The following RBM6 variants were observed in gnomAD, a reference collection of about 807,000 sequenced individuals.
RBM6 encodes the protein RNA-binding protein 6.
A neutral mutation model predicts 140.4 loss-of-function variants in RBM6; 23 were observed. That is an observed-to-expected ratio of 0.16 (90% CI 0.12 to 0.23). The LOEUF (loss-of-function observed/expected upper bound fraction) is 0.23. Among genes scored for constraint, RBM6 ranks in the 10% least tolerant of loss-of-function variants. The pLI, the probability that RBM6 is intolerant of heterozygous loss-of-function variation, is 1.00. For missense variants in RBM6, 1,139 were observed against 1,386.7 expected (o/e 0.82, Z 2.84); for synonymous variants, 439 against 475.6 (o/e 0.92, Z 1.00).
At chr3:50,040,445 CAAAAAAAAAA>C (rs1163542465) in intron 6 of RBM6, among the ~76,000 whole-genome samples, 1,055 of 67,576 alleles carry the variant, frequency 0.016, 42 homozygotes, top group African/African-American at 0.073. Context: ...GGCTCCTTCT[CAAAAAAAAAA>C]AAAAAAAAAA....
chr3:50,043,430 C>T, intron 6 of RBM6, among the ~76,000 whole-genome samples: 1 of 148,732 alleles, frequency 6.7e-6, no homozygotes, highest in Non-Finnish European at 1.5e-5. Context: ...TTGCAGTGTG[C>T]CAAGATCATG....
intron 1 of RBM6, among the ~76,000 whole-genome samples, chr3:49,946,924 C>A (rs941013591): frequency 6.0e-5 from 9 of 150,966 alleles, no homozygotes; most frequent in African/African-American, 1.9e-4. Context: ...TTTGCATTTC[C>A]CTGATGATAA....
At position 49,947,275 on chromosome 3, in the gene RBM6, G is replaced by T. The variant is rs1032980700; in HGVS notation, c.-67+7050G>T. On this transcript the variant is annotated intron_variant, in intron 1 of 20. Coordinates refer to ENST00000266022, the MANE Select transcript of RBM6 (RefSeq NM_005777.3). ...TCAAAAAAAAAAAGGGGGGGGGGGG[G>T]GGTTTTGAGCTGGGTGTGCAGGTGC... Among the ~76,000 whole-genome samples the T allele has an allele frequency of 8.6e-4, 42 of 48,750 alleles. 1 individual carries two copies. The highest frequency in any genetic ancestry group is 2.1e-3 in the African/African-American group (29 of 13,682). 32.0% of individuals were successfully genotyped at this position (48,750 alleles called of 152,430 possible). A position where few individuals can be genotyped will look rare whatever the true frequency, so the allele number is the denominator to read the frequency against.
chr3:50,039,905 C>T (rs1015666408), intron 6 of RBM6, among the ~76,000 whole-genome samples: 2 of 152,240 alleles, frequency 1.3e-5, no homozygotes, highest in Admixed American at 1.3e-4. Context: ...GTTTTTGCCG[C>T]AAATACAAAT....
At chr3:50,076,383 C>T (rs1169238157) in intron 20 of RBM6, among the ~76,000 whole-genome samples, 1 of 151,062 alleles carries the variant, frequency 6.6e-6, no homozygotes, top group African/African-American at 2.4e-5. Flanking sequence ...GAGTTCGAGA[C>T]CAGCCTGACC....
intron 6 of RBM6, among the ~76,000 whole-genome samples, chr3:50,008,393 C>G (rs552145618): frequency 6.6e-6 from 1 of 152,154 alleles, no homozygotes; most frequent in African/African-American, 2.4e-5. Flanking sequence ...GTTGTCACAT[C>G]TCATTAGTTC....
At chr3:49,959,964 CAA>C (rs2084210121) in intron 1 of RBM6, among the ~76,000 whole-genome samples, 1 of 152,124 alleles carries the variant, frequency 6.6e-6, no homozygotes, top group Non-Finnish European at 1.5e-5. Flanking sequence ...CCTAATTTGC[CAA>C]AGAGTTTCAC....
At chr3:50,065,171 A>G (rs751220757) in intron 16 of RBM6, 45 bp downstream of exon 16, 2 of 1,492,004 alleles carry the variant, frequency 1.3e-6, no homozygotes, top group South Asian at 1.2e-5. Context: ...GGGGCTGGGG[A>G]TGGTTCCGAG....
Position 50,059,708 on chromosome 3 carries a change from G to A in RBM6, c.2190G>A (p.Gly730=), listed in dbSNP as rs770862346. 1 of 1,613,856 alleles carries A rather than the reference G, an allele frequency of 6.2e-7. No individual in the cohort carries two copies. The highest frequency in any genetic ancestry group is 8.5e-7 in the Non-Finnish European group (1 of 1,179,900). Residue 730 remains glycine (G), a synonymous_variant, in exon 11 of 21, where the codon GGG becomes GGA. Coordinates refer to ENST00000266022, the MANE Select transcript of RBM6 (RefSeq NM_005777.3). ...TTGATCCGCCATTTAGCATTGATGG[G>A]AAGATGGTAGCTGTAAACCTGGCCA... is the stretch of plus-strand genomic sequence containing the variant. ...QNLDPPFSID[G]KMVAVNLATG...
chr3:50,058,474 G>A lies in RBM6; in HGVS notation c.2042G>A (p.Arg681His), dbSNP rs776782974. The A allele has an allele frequency of 5.0e-6, 8 of 1,606,218 alleles. No individual in the cohort carries two copies. The highest frequency in any genetic ancestry group is 2.2e-5 in the South Asian group (2 of 90,894). ...VIVEVLEPYV[R>H]LTTANVRIIK... Reference sequence around the variant, plus strand: ...GTGGAAGTGCTGGAGCCCTATGTCCGCCTTACTACTGCCAACGTCCGTATC... The same window carrying A: ...GTGGAAGTGCTGGAGCCCTATGTCCACCTTACTACTGCCAACGTCCGTATC... The change falls in exon 10 of 21, where the codon CGC becomes CAC. Residue 681 changes from arginine (R) to histidine (H), a missense_variant. By Grantham distance (29) the Arg-to-His change is conservative. Transcript: ENST00000266022.
chr3:49,962,692 TCTCAAATTTGAA>T lies in RBM6; in HGVS notation c.44+8_44+19del, dbSNP rs2084336177. On this transcript the variant is annotated splice_region_variant and intron_variant, in intron 2 of 20. Coordinates refer to ENST00000266022, the MANE Select transcript of RBM6 (RefSeq NM_005777.3). Reference sequence around the variant, plus strand: ...ACAGAACTGGACCTTTTCGGTAAGTTCTCAAATTTGAATATTGAAATTGCCAGTATTTTAATT... The same window carrying T: ...ACAGAACTGGACCTTTTCGGTAAGTTTATTGAAATTGCCAGTATTTTAATT... The T allele has an allele frequency of 1.3e-6, 2 of 1,567,722 alleles. No individual in the cohort carries two copies. The highest frequency in any genetic ancestry group is 1.7e-6 in the Non-Finnish European group (2 of 1,163,758).
intron 1 of RBM6, among the ~76,000 whole-genome samples, chr3:49,942,420 C>T (rs1016545236): frequency 6.8e-6 from 1 of 147,170 alleles, no homozygotes; most frequent in Non-Finnish European, 1.5e-5. Context: ...ACCCGAGAGG[C>T]GGAGCTTGCA....
At chr3:50,021,740 C>T (rs1294413678) in intron 6 of RBM6, among the ~76,000 whole-genome samples, 111 of 42,696 alleles carry the variant, frequency 2.6e-3, no homozygotes, top group South Asian at 0.01. Flanking sequence ...AATTTAAGTG[C>T]TTTTTTTTTT....
intron 6 of RBM6, among the ~76,000 whole-genome samples, chr3:50,018,058 A>G (rs1405402798): frequency 6.6e-6 from 1 of 152,222 alleles, no homozygotes; most frequent in African/African-American, 2.4e-5. Context: ...ATCATTATCA[A>G]GGGTTCACTC....
intron 5 of RBM6, among the ~76,000 whole-genome samples, chr3:49,993,881 G>A (rs2085945550): frequency 6.6e-6 from 1 of 152,126 alleles, no homozygotes; most frequent in Admixed American, 6.6e-5. Context: ...GGCAGAGGTT[G>A]CAGTGGGCCG....
intron 19 of RBM6, among the ~76,000 whole-genome samples, chr3:50,074,111 G>C (rs1290786827): frequency 3.9e-5 from 6 of 152,036 alleles, no homozygotes; most frequent in Non-Finnish European, 8.8e-5. Context: ...TTACAGGCGT[G>C]AGTCACTGCA....
At position 49,975,317 on chromosome 3, in the gene RBM6, T is replaced by G. The variant is rs912328223; in HGVS notation, c.1414-6T>G. 6.2e-7 allele frequency: 1 copy of G among 1,606,212 alleles called. No individual in the cohort carries two copies. ...TATCATTTGTATAAATGCCATATTT[T>G]TGCAGATTCTTAATGCTTTTCGGAC... On this transcript the variant is annotated splice_region_variant and splice_polypyrimidine_tract_variant and intron_variant, in intron 4 of 20. Coordinates refer to ENST00000266022, the MANE Select transcript of RBM6 (RefSeq NM_005777.3).
At position 49,967,601 on chromosome 3, in the gene RBM6, G is replaced by C; in HGVS notation, c.176G>C (p.Gly59Ala). 1 of 1,614,108 alleles carries C rather than the reference G, an allele frequency of 6.2e-7. No individual in the cohort carries two copies. Among genetic ancestry groups the C allele is most frequent in the Non-Finnish European group, 8.5e-7 (1 of 1,180,022 alleles). The change falls in exon 3 of 21, where the codon GGG (glycine) becomes GCG (alanine). Residue 59 changes from glycine to alanine, a missense_variant. This residue lies in a region of RBM6 where 566 missense variants were observed against 612.7 expected (regional missense o/e 0.92). Transcript: ENST00000266022. This position sits in a 1 kb window ranked among gnomAD's most constrained non-coding sequence, Gnocchi z 4.0. The stretch of plus-strand genomic sequence containing the variant: ...GATTCACTTCCCTTTGATTTCCAGG[G>C]GCATTCGGGGCCTCCTTTTGCAAAT... ...GRDSLPFDFQGHSGPPFANVE... is the reference protein window; with the variant it reads ...GRDSLPFDFQAHSGPPFANVE...
rs144026157 is a variant in RBM6, at chr3:49,954,068, A to G, written c.-66-8508A>G. Among the ~76,000 whole-genome samples, 444 of 151,924 alleles carry G rather than the reference A, an allele frequency of 2.9e-3. 1 individual carries two copies. The highest frequency in any genetic ancestry group is 5.8e-3 in the South Asian group (28 of 4,810). Reference sequence around the variant, plus strand: ...GGAGGATGGCTGGAGCCAGGGAAGCAGTGGTTACAGTGAGCCGAGAATGTG... The same window carrying G: ...GGAGGATGGCTGGAGCCAGGGAAGCGGTGGTTACAGTGAGCCGAGAATGTG... On this transcript the variant is annotated intron_variant, in intron 1 of 20. Transcript: ENST00000266022.
Sources: allele counts gnomAD v4.1 joint callset (sites outside exome capture counted in the v4.1 genomes callset), GRCh38; gene constraint gnomAD v4.1.1; regional missense constraint gnomAD v4.1.1; non-coding constraint Gnocchi (gnomAD v3.1); transcripts MANE v1.5; gene names NCBI Gene and HGNC (gene_info 2026-07-23, HGNC 2026-07-21).